RBBP8: variants seen among roughly 807,000 people sequenced by gnomAD.
RBBP8 encodes RB binding protein 8, endonuclease, also known as DNA endonuclease RBBP8.
Under a neutral mutation model 108.3 loss-of-function variants are expected in RBBP8, and 88 were observed. The ratio of observed to expected loss-of-function variants is 0.81; its 90% CI spans 0.68 to 0.97. RBBP8 has a LOEUF of 0.97. RBBP8 is among the 50% of genes least tolerant of loss of function. RBBP8 has a pLI of 0.00. For synonymous variants in RBBP8, 332 were observed against 348.2 expected (o/e 0.95, Z 0.52); for missense variants, 1,023 against 1,049.0 (o/e 0.98, Z 0.34).
chr18:22,965,172 A>G (rs1913470734), intron 4 of RBBP8, among the ~76,000 whole-genome samples: 1 of 151,876 alleles, frequency 6.6e-6, no homozygotes, highest in African/African-American at 2.4e-5. Flanking sequence ...TTCTTTCTGT[A>G]TAGCTTATTA....
chr18:22,996,466 A>G lies in RBBP8; in HGVS notation c.2028+4A>G. On this transcript the variant is annotated splice_donor_region_variant and intron_variant, in intron 13 of 18. Transcript: ENST00000327155. Reference sequence around the variant, plus strand: ...TGTTACTGTAATAGATACAAAGGTAAGTTAAAAAGTAAAACCAAAACTCAT... The same window carrying G: ...TGTTACTGTAATAGATACAAAGGTAGGTTAAAAAGTAAAACCAAAACTCAT... The G allele has an allele frequency of 6.2e-7, 1 of 1,613,146 alleles. No homozygotes were observed. Among genetic ancestry groups the G allele is most frequent in the Non-Finnish European group, 8.5e-7 (1 of 1,179,696 alleles).
intron 4 of RBBP8, among the ~76,000 whole-genome samples, chr18:22,953,260 C>T (rs57951847): frequency 0.034 from 5,143 of 152,240 alleles, 146 homozygotes; most frequent in East Asian, 0.082. Context: ...GTGTATTCAC[C>T]TATGTGGAAA....
intron 3 of RBBP8, among the ~76,000 whole-genome samples, chr18:22,922,136 C>G (rs985294985): frequency 1.3e-5 from 2 of 151,980 alleles, no homozygotes; most frequent in African/African-American, 2.4e-5. Flanking sequence ...ATTTTAAAAC[C>G]GAACAGATAA....
At chr18:23,014,780 C>G (rs1175489795) in intron 16 of RBBP8, among the ~76,000 whole-genome samples, 2 of 152,180 alleles carry the variant, frequency 1.3e-5, no homozygotes, top group Non-Finnish European at 2.9e-5. Context: ...GGATCTTATT[C>G]ATTTAAAAAT....
exon 2 of RBBP8, chr18:22,915,470 A>C (rs781360618): frequency 1.3e-5 from 2 of 152,172 alleles, no homozygotes; most frequent in Non-Finnish European, 2.9e-5. Context: ...TTCTGCATGA[A>C]TTTCTGGTAA....
chr18:22,973,451 G>A (rs894064457), intron 5 of RBBP8, among the ~76,000 whole-genome samples: 4 of 152,172 alleles, frequency 2.6e-5, no homozygotes, highest in African/African-American at 9.7e-5. Context: ...CAAAGGATGA[G>A]TTGCCAAATA....
intron 3 of RBBP8, among the ~76,000 whole-genome samples, chr18:22,924,857 A>G (rs992100651): frequency 3.9e-5 from 6 of 152,132 alleles, no homozygotes; most frequent in South Asian, 4.1e-4. Context: ...ATCACCTCAC[A>G]TAAGAGGTCT....
rs768671227 is a variant in RBBP8, at chr18:22,982,335, C to T, written c.546C>T (p.Pro182=). ...GVNRLRRKEN[P]HVRYIEQTHT... ...ACCGGCTACGAAGAAAGGAGAACCC[C>T]CATGTCCGATACATAGAACAAACAC... Residue 182 remains proline, a synonymous_variant, in exon 7 of 19, where the codon CCC becomes CCT. Coordinates refer to ENST00000327155, the MANE Select transcript of RBBP8 (RefSeq NM_002894.3). The T allele has an allele frequency of 8.7e-6, 14 of 1,614,142 alleles. 1 individual carries two copies. The South Asian group carries it at 1.5e-4, about 18-fold the overall frequency.
intron 6 of RBBP8, among the ~76,000 whole-genome samples, chr18:22,976,787 G>C (rs1318813819): frequency 6.6e-6 from 1 of 152,128 alleles, no homozygotes. Flanking sequence ...GAGTACCAAA[G>C]GGATGAGATA....
chr18:22,976,198 A>G (rs112024198), intron 6 of RBBP8, among the ~76,000 whole-genome samples: 119 of 152,280 alleles, frequency 7.8e-4, no homozygotes, highest in Middle Eastern at 6.8e-3. Context: ...TGGATATCCA[A>G]TAGAATTCTG....
In RBBP8 at chr18:22,939,319, C is replaced by CAACATAGAG. The variant is rs1910854288; in HGVS notation, c.109+2362_109+2370dup. Among the ~76,000 whole-genome samples the CAACATAGAG allele has an allele frequency of 3.3e-5, 5 of 152,190 alleles. No homozygotes were observed. In the South Asian group the frequency reaches 1.0e-3, roughly 32 times the overall value. On this transcript the variant is annotated intron_variant, in intron 2 of 18. Transcript: ENST00000327155. ...GTCAGGAGTTCGAGACCAGCCTGAC[C>CAACATAGAG]AACATAGAGAAACCCTGTCTCTACT... is the stretch of plus-strand genomic sequence containing the variant.
intron 5 of RBBP8, among the ~76,000 whole-genome samples, chr18:22,971,531 G>A (rs1032690049): frequency 6.6e-6 from 1 of 151,208 alleles, no homozygotes; most frequent in Non-Finnish European, 1.5e-5. Flanking sequence ...ATTTCTTTCT[G>A]TACCTCTTTT....
At chr18:22,999,096 A>G (rs1289117480) in intron 14 of RBBP8, among the ~76,000 whole-genome samples, 2 of 152,238 alleles carry the variant, frequency 1.3e-5, no homozygotes, top group African/African-American at 4.8e-5. Context: ...TGATGCAAGT[A>G]TCATGTGAAA....
chr18:22,954,284 A>T (rs1396658522), intron 4 of RBBP8, among the ~76,000 whole-genome samples: 1 of 152,232 alleles, frequency 6.6e-6, no homozygotes, highest in Non-Finnish European at 1.5e-5. Flanking sequence ...AGCCTGTAAA[A>T]TCAAAAGCAA....
At chr18:22,920,723 A>T (rs759693110) in intron 3 of RBBP8, 1 of 152,206 alleles carries the variant, frequency 6.6e-6, no homozygotes, top group Admixed American at 6.5e-5. Flanking sequence ...ATAACCTAGC[A>T]ATGTTTCTCA....
chr18:22,965,445 C>T (rs1369962122), intron 4 of RBBP8, among the ~76,000 whole-genome samples: 2 of 152,002 alleles, frequency 1.3e-5, no homozygotes, highest in African/African-American at 4.8e-5. Context: ...GGTCAGATTT[C>T]CTAAAGAAGA....
At chr18:22,982,634 A>G (rs944286603) in intron 7 of RBBP8, among the ~76,000 whole-genome samples, 1 of 152,184 alleles carries the variant, frequency 6.6e-6, no homozygotes, top group African/African-American at 2.4e-5. Context: ...TGTAGTAAAT[A>G]GTTTCTTTTT....
intron 4 of RBBP8, among the ~76,000 whole-genome samples, chr18:22,955,556 T>TGATATA (rs1912447704): frequency 2.6e-5 from 4 of 151,866 alleles, no homozygotes; most frequent in Non-Finnish European, 4.4e-5. Flanking sequence ...GATCACATAG[T>TGATATA]TAATACATAA....
chr18:22,963,118 C>T (rs1057449120), intron 4 of RBBP8, among the ~76,000 whole-genome samples: 1 of 152,198 alleles, frequency 6.6e-6, no homozygotes, highest in Non-Finnish European at 1.5e-5. Flanking sequence ...TCCCCTTCTT[C>T]AGAAGCAGTC....
Sources: allele counts gnomAD v4.1 joint callset (sites outside exome capture counted in the v4.1 genomes callset), GRCh38; gene constraint gnomAD v4.1.1; transcripts MANE v1.5; gene names NCBI Gene and HGNC (gene_info 2026-07-23, HGNC 2026-07-21).